Variants in FGFBP2 observed in about 807,000 individuals in gnomAD.
FGFBP2 encodes the protein fibroblast growth factor binding protein 2, also known as fibroblast growth factor-binding protein 2.
Under a neutral mutation model 7.3 loss-of-function variants are expected in FGFBP2, and 7 were observed. The observed-to-expected ratio is 0.96, with a 90% confidence interval of 0.55 to 1.81. The LOEUF is 1.81. Among genes scored for constraint, FGFBP2 ranks in the 40% most tolerant of loss-of-function variants. FGFBP2 has a pLI of 0.00. For synonymous variants in FGFBP2, 131 were observed against 110.2 expected, an observed-to-expected ratio of 1.19 and a Z score of -1.18; for missense variants, 291 against 280.1, an observed-to-expected ratio of 1.04 and a Z score of -0.28.
Position 15,962,572 on chromosome 4 carries a change from G to C in FGFBP2, c.558C>G (p.Thr186=). ...TCCCTCCGGGCCTGGGTCCAGGCTG[G>C]GTAGGTTTGGCTGTGGGTCGGGTGG... is the stretch of plus-strand genomic sequence containing the variant. ...KPTTRPTAKP[T]QPGPRPGGNE... Residue 186 remains threonine (T), a synonymous_variant, in exon 1 of 2, where the codon ACC becomes ACG. Transcript: ENST00000259989. 6.2e-7 allele frequency: 1 copy of C among 1,614,154 alleles called. No homozygotes were observed. Among genetic ancestry groups the C allele is most frequent in the Non-Finnish European group, 8.5e-7 (1 of 1,180,010 alleles).
Position 15,962,893 on chromosome 4 carries a change from G to T in FGFBP2, c.237C>A (p.Ser79Arg). ...TYWCEYRGQP[S>R]MCQAFAADPK... The stretch of plus-strand genomic sequence containing the variant: ...GGTCAGCAGCGAAAGCCTGGCACAT[G>T]CTGGGCTGCCCCCTGTACTCACACC... Residue 79 changes from serine to arginine, a missense_variant, in exon 1 of 2, where the codon AGC becomes AGA. Physicochemically the swap from Ser to Arg is moderately radical, Grantham distance 110. Transcript: ENST00000259989. 2 of 1,567,840 alleles carry T rather than the reference G, an allele frequency of 1.3e-6. No homozygotes were observed. The highest frequency in any genetic ancestry group is 1.7e-6 in the Non-Finnish European group (2 of 1,157,324).
chr4:15,962,090 A>C (rs898501691), intron 1 of FGFBP2, among the ~76,000 whole-genome samples: 7 of 152,204 alleles, frequency 4.6e-5, no homozygotes, highest in African/African-American at 1.7e-4. Context: ...GAGATTCTCA[A>C]CCTTGGCTGC....
chr4:15,963,031 G>A lies in FGFBP2; in HGVS notation c.99C>T (p.Phe33=), dbSNP rs899468788. The A allele has an allele frequency of 2.5e-6, 4 of 1,614,014 alleles. No homozygotes were observed. The African/African-American group carries it at 5.3e-5, about 22-fold the overall frequency. Residue 33 remains phenylalanine (F), a synonymous_variant, in exon 1 of 2, where the codon TTC becomes TTT. Coordinates refer to ENST00000259989, the MANE Select transcript of FGFBP2 (RefSeq NM_031950.4). ...RQKQGSTGEE[F]HFQTGGRDSC... is the part of the protein sequence containing the mutation. ...AATCTCTCCCTCCAGTCTGGAAATG[G>A]AATTCCTCCCCAGTGCTTCCTTGCT...
At chr4:15,961,709 G>A (rs1713089181) in intron 1 of FGFBP2, among the ~76,000 whole-genome samples, 1 of 152,146 alleles carries the variant, frequency 6.6e-6, no homozygotes, top group Non-Finnish European at 1.5e-5. Flanking sequence ...TAAGGATAGA[G>A]ATCAGTAATA....
Position 15,962,572 on chromosome 4 carries a change from G to A in FGFBP2, c.558C>T (p.Thr186=). The A allele has an allele frequency of 6.2e-7, 1 of 1,614,154 alleles. No homozygotes were observed. The highest frequency in any genetic ancestry group is 8.5e-7 in the Non-Finnish European group (1 of 1,180,010). Residue 186 remains threonine (T), a synonymous_variant, in exon 1 of 2, where the codon ACC becomes ACT. Transcript: ENST00000259989. ...KPTTRPTAKP[T]QPGPRPGGNE... ...TCCCTCCGGGCCTGGGTCCAGGCTG[G>A]GTAGGTTTGGCTGTGGGTCGGGTGG...
rs1713125413 is a variant in FGFBP2 at position 15,962,827 on chromosome 4, G to A, written c.303C>T (p.Arg101=). 2 of 1,566,288 alleles carry A rather than the reference G, an allele frequency of 1.3e-6. No individual in the cohort carries two copies. Among genetic ancestry groups the A allele is most frequent in the African/African-American group, 1.4e-5 (1 of 73,884 alleles). Residue 101 remains arginine, a synonymous_variant, in exon 1 of 2, where the codon CGC becomes CGT. Coordinates refer to ENST00000259989, the MANE Select transcript of FGFBP2 (RefSeq NM_031950.4). The part of the protein sequence containing the change: ...YWNQALQELR[R]LHHACQGAPV... ...GGGCCCCCTGGCACGCATGGTGAAGGCGCCTCAGCTCCTGCAGGGCTTGAT... is the reference window on the plus strand; with the variant it reads ...GGGCCCCCTGGCACGCATGGTGAAGACGCCTCAGCTCCTGCAGGGCTTGAT...
At position 15,962,599 on chromosome 4, in the gene FGFBP2, G is replaced by A. The variant is rs141524479; in HGVS notation, c.531C>T (p.Pro177=). 523 of 1,614,064 alleles carry A rather than the reference G, an allele frequency of 3.2e-4. No homozygotes were observed. Among genetic ancestry groups the A allele is most frequent in the Non-Finnish European group, 4.0e-4 (469 of 1,180,032 alleles). The change falls in exon 1 of 2, where the codon CCC becomes CCT. Residue 177 remains proline, a synonymous_variant. Coordinates refer to ENST00000259989, the MANE Select transcript of FGFBP2 (RefSeq NM_031950.4). ...DSMEELGKAK[P]TTRPTAKPTQ... is the part of the protein sequence containing the mutation. ...TAGGTTTGGCTGTGGGTCGGGTGGT[G>A]GGTTTGGCTTTTCCCAGCTCTTCCA...
Position 15,962,753 on chromosome 4 carries a change from ATATGGGCCTGGGG to A in FGFBP2, c.364_376del (p.Pro122CysfsTer4), listed in dbSNP as rs1471378578. The A allele has an allele frequency of 6.2e-7, 1 of 1,610,866 alleles. No homozygotes were observed. Among genetic ancestry groups the A allele is most frequent in the African/African-American group, 1.3e-5 (1 of 74,992 alleles). On this transcript the variant is annotated frameshift_variant, in exon 1 of 2. Coordinates refer to ENST00000259989, the MANE Select transcript of FGFBP2 (RefSeq NM_031950.4). LOFTEE classifies it low-confidence loss of function (END_TRUNC). Reference sequence around the variant, plus strand: ...CTTGAGGCTGGAAGTCACCTGCTGCATATGGGCCTGGGGTCCAGCCTCCCTGCACACGGATGGC... The same window carrying A: ...CTTGAGGCTGGAAGTCACCTGCTGCATCCAGCCTCCCTGCACACGGATGGC...
Position 15,962,843 on chromosome 4 carries a change from A to T in FGFBP2, c.287T>A (p.Leu96Gln). The change falls in exon 1 of 2, where the codon CTG becomes CAG. Residue 96 changes from leucine to glutamine, a missense_variant. Leu to Gln is a moderately radical substitution (Grantham distance 113). Transcript: ENST00000259989. ...ADPKPYWNQA[L>Q]QELRRLHHAC... Reference sequence around the variant, plus strand: ...ATGGTGAAGGCGCCTCAGCTCCTGCAGGGCTTGATTCCAGTAAGGTTTGGG... The same window carrying T: ...ATGGTGAAGGCGCCTCAGCTCCTGCTGGGCTTGATTCCAGTAAGGTTTGGG... 6.4e-7 allele frequency: 1 copy of T among 1,563,094 alleles called. No homozygotes were observed. Among genetic ancestry groups the T allele is most frequent in the East Asian group, 2.3e-5 (1 of 44,398 alleles).
rs751871971 is a variant in FGFBP2, at chr4:15,962,897, G to C, written c.233C>G (p.Pro78Arg). The C allele has an allele frequency of 5.1e-6, 8 of 1,571,948 alleles. No individual in the cohort carries two copies. In the South Asian group the frequency reaches 8.0e-5, roughly 16 times the overall value. Reference sequence around the variant, plus strand: ...AGCAGCGAAAGCCTGGCACATGCTGGGCTGCCCCCTGTACTCACACCAGTA... The same window carrying C: ...AGCAGCGAAAGCCTGGCACATGCTGCGCTGCCCCCTGTACTCACACCAGTA... ...QTYWCEYRGQ[P>R]SMCQAFAADP... is the part of the protein sequence containing the mutation. The change falls in exon 1 of 2, where the codon CCC becomes CGC. Residue 78 changes from proline (P) to arginine (R), a missense_variant. By Grantham distance (103) the Pro-to-Arg change is moderately radical (BLOSUM62 -2). Coordinates refer to ENST00000259989, the MANE Select transcript of FGFBP2 (RefSeq NM_031950.4).
chr4:15,960,440 A>C lies in FGFBP2; in HGVS notation c.*192T>G, dbSNP rs1452024911. 2 of 152,156 alleles carry C rather than the reference A, an allele frequency of 1.3e-5. No individual in the cohort carries two copies. Among genetic ancestry groups the C allele is most frequent in the African/African-American group, 4.8e-5 (2 of 41,434 alleles). 9.4% of individuals were successfully genotyped at this position (152,156 alleles called of 1,614,324 possible). A position where few individuals can be genotyped will look rare whatever the true frequency, so the allele number is the denominator to read the frequency against. ...CACCTGTTCCCTATCATATTGCTGA[A>C]CTCTGCAAACTCCAGAAAGGAAGGT... On this transcript the variant is annotated 3_prime_UTR_variant, in exon 2 of 2. Transcript: ENST00000259989.
intron 1 of FGFBP2, among the ~76,000 whole-genome samples, chr4:15,961,482 G>T (rs1197071975): frequency 6.6e-6 from 1 of 152,162 alleles, no homozygotes; most frequent in South Asian, 2.1e-4. Flanking sequence ...ATTTCTTGCT[G>T]CCTGGGCGCT....
intron 1 of FGFBP2, among the ~76,000 whole-genome samples, chr4:15,960,834 A>C (rs1713067606): frequency 6.6e-6 from 1 of 152,154 alleles, no homozygotes; most frequent in Non-Finnish European, 1.5e-5. Context: ...TCCAGTGTGA[A>C]TGGTATCCTA....
rs1713091219 is a variant in FGFBP2, at chr4:15,961,810, G to A, written c.*20+628C>T. Among the ~76,000 whole-genome samples, 5 of 152,132 alleles carry A rather than the reference G, an allele frequency of 3.3e-5. No individual in the cohort carries two copies. In the South Asian group the frequency reaches 1.0e-3, roughly 32 times the overall value. The stretch of plus-strand genomic sequence containing the variant: ...TATTATTAATTAGATTTTCTCCTCT[G>A]TGATGAACAAAAAACAATTAAAGGC... On this transcript the variant is annotated intron_variant, in intron 1 of 1. Coordinates refer to ENST00000259989, the MANE Select transcript of FGFBP2 (RefSeq NM_031950.4).
rs754700347 is a variant in FGFBP2 at position 15,962,986 on chromosome 4, G to A, written c.144C>T (p.Ser48=). The part of the protein sequence containing the change: ...GGRDSCTMRP[S]SLGQGAGEVW... Reference sequence around the variant, plus strand: ...CTTCTCCAGCACCTTGCCCCAAGCTGCTGGGACGCATAGTGCAGGAATCTC... The same window carrying A: ...CTTCTCCAGCACCTTGCCCCAAGCTACTGGGACGCATAGTGCAGGAATCTC... Residue 48 remains serine (S), a synonymous_variant, in exon 1 of 2, where the codon AGC becomes AGT. Transcript: ENST00000259989. 23 of 1,613,852 alleles carry A rather than the reference G, an allele frequency of 1.4e-5. No individual in the cohort carries two copies. The East Asian group carries it at 4.5e-4, about 31-fold the overall frequency.
intron 1 of FGFBP2, among the ~76,000 whole-genome samples, chr4:15,961,302 G>C (rs1713078326): frequency 6.6e-6 from 1 of 151,130 alleles, no homozygotes; most frequent in Non-Finnish European, 1.5e-5. Flanking sequence ...TTTGTAGAAA[G>C]ACCAAAAAAA....
Position 15,962,435 on chromosome 4 carries a change from T to C in FGFBP2, c.*20+3A>G. 1 of 1,532,200 alleles carries C rather than the reference T, an allele frequency of 6.5e-7. No homozygotes were observed. The highest frequency in any genetic ancestry group is 8.8e-7 in the Non-Finnish European group (1 of 1,140,222). 94.9% of individuals were successfully genotyped at this position (1,532,200 alleles called of 1,614,324 possible). A position where few individuals can be genotyped will look rare whatever the true frequency, so the allele number is the denominator to read the frequency against. ...TGTATATGAGTAAAGGAAAGGGTAT[T>C]ACCTGTAGGGGTCTTTCACCTGTCA... On this transcript the variant is annotated splice_donor_region_variant and intron_variant, in intron 1 of 1. Transcript: ENST00000259989.
At position 15,962,480 on chromosome 4, in the gene FGFBP2, A is replaced by T; in HGVS notation, c.650T>A (p.Leu217His). Residue 217 changes from leucine to histidine, a missense_variant, in exon 1 of 2, where the codon CTC becomes CAC. Transcript: ENST00000259989. ...WKPFQALCAF[L>H]ISFFRG ...CTGTCACCCTCGGAAGAAGCTGATG[A>T]GAAAGGCGCACAGGGCCTGGAAGGG... 1 of 1,567,698 alleles carries T rather than the reference A, an allele frequency of 6.4e-7. No individual in the cohort carries two copies. The highest frequency in any genetic ancestry group is 8.7e-7 in the Non-Finnish European group (1 of 1,155,840).
intron 1 of FGFBP2, among the ~76,000 whole-genome samples, chr4:15,961,943 C>T (rs760158643): frequency 1.3e-5 from 2 of 152,146 alleles, no homozygotes; most frequent in African/African-American, 4.8e-5. Context: ...GAGAACAAGA[C>T]GGGGTGTGGC....
Sources: gnomAD v4.1 joint callset for allele counts (sites outside exome capture counted in the v4.1 genomes callset) on GRCh38, gnomAD v4.1.1 for gene constraint, MANE v1.5 for transcripts, NCBI Gene and HGNC (gene_info 2026-07-23, HGNC 2026-07-21) for gene names.